ANTXR2: variants seen among roughly 807,000 people sequenced by gnomAD.
ANTXR2 encodes ANTXR cell adhesion molecule 2.
ANTXR2 carries 44 observed loss-of-function variants against 73.7 expected under a neutral mutation model. The observed-to-expected ratio is 0.60, with a 90% confidence interval of 0.47 to 0.77. The LOEUF (loss-of-function observed/expected upper bound fraction) is 0.77, where lower values mean the gene tolerates loss of function less well. Among genes scored for constraint, ANTXR2 ranks in the 30% least tolerant of loss-of-function variants. ANTXR2 has a pLI of 0.00. For synonymous variants in ANTXR2, 217 were observed against 205.9 expected, an observed-to-expected ratio of 1.05 and a Z score of -0.46; for missense variants, 604 against 592.5, an observed-to-expected ratio of 1.02 and a Z score of -0.20.
At chr4:79,918,415 C>G (rs919087517) in intron 16 of ANTXR2, among the ~76,000 whole-genome samples, 2 of 152,028 alleles carry the variant, frequency 1.3e-5, no homozygotes, top group African/African-American at 4.8e-5. Context: ...AGTTAAACTT[C>G]TGAAAACCAA....
chr4:80,018,853 T>G, intron 11 of ANTXR2, 45 bp downstream of exon 11: 1 of 1,339,480 alleles, frequency 7.5e-7, no homozygotes, highest in Non-Finnish European at 1.0e-6. Context: ...TATTTCTGGA[T>G]GGAATTGCTT....
intron 7 of ANTXR2, among the ~76,000 whole-genome samples, chr4:80,045,307 T>A (rs1484436050): frequency 6.6e-6 from 1 of 151,764 alleles, no homozygotes; most frequent in Admixed American, 6.6e-5. Flanking sequence ...GGCTTTTTCC[T>A]CCCCAAAATA....
intron 16 of ANTXR2, among the ~76,000 whole-genome samples, chr4:79,951,983 G>A (rs1312112476): frequency 6.6e-6 from 1 of 152,022 alleles, no homozygotes; most frequent in Non-Finnish European, 1.5e-5. Context: ...CAAACTTGTT[G>A]ATAACTATGT....
intron 12 of ANTXR2, among the ~76,000 whole-genome samples, chr4:79,995,987 C>G (rs941174061): frequency 6.6e-6 from 1 of 151,976 alleles, no homozygotes; most frequent in Admixed American, 6.6e-5. Context: ...TTGGTGCTGC[C>G]AGATGCCACA....
At chr4:80,032,457 T>G (rs1263478570) in intron 9 of ANTXR2, among the ~76,000 whole-genome samples, 2 of 151,850 alleles carry the variant, frequency 1.3e-5, no homozygotes, top group African/African-American at 4.8e-5. Flanking sequence ...GAAGAGAGTT[T>G]GTAAATTTTT....
chr4:80,019,136 A>G (rs1732030982), intron 10 of ANTXR2, among the ~76,000 whole-genome samples, 160 bp from the exon 11 acceptor site: 1 of 152,108 alleles, frequency 6.6e-6, no homozygotes, highest in East Asian at 1.9e-4. Flanking sequence ...CGGCCTCCCA[A>G]AGTCCTAGGA....
chr4:80,033,577 G>A lies in ANTXR2; in HGVS notation c.698-7C>T, dbSNP rs773419008. On this transcript the variant is annotated splice_polypyrimidine_tract_variant and splice_region_variant and intron_variant, in intron 8 of 16. Transcript: ENST00000403729. ...AAGACAATCTGAAATTCCTCTAGAA[G>A]TAAAAGGAAAAATAAACATTTAATC... 2.6e-5 allele frequency: 41 copies of A among 1,565,008 alleles called. No homozygotes were observed. The highest frequency in any genetic ancestry group is 3.2e-5 in the Non-Finnish European group (37 of 1,161,954).
intron 3 of ANTXR2, among the ~76,000 whole-genome samples, chr4:80,068,170 C>T (rs1228596317): frequency 6.6e-6 from 1 of 152,112 alleles, no homozygotes; most frequent in Non-Finnish European, 1.5e-5. Flanking sequence ...TAAATAAGTT[C>T]TCTCCCCCAG....
At chr4:79,924,289 T>C (rs911167967) in intron 16 of ANTXR2, among the ~76,000 whole-genome samples, 12 of 152,134 alleles carry the variant, frequency 7.9e-5, no homozygotes, top group Admixed American at 3.3e-4. Flanking sequence ...CATCAACAAG[T>C]AAAGATTTGG....
At chr4:80,067,040 C>T (rs565094908) in intron 3 of ANTXR2, among the ~76,000 whole-genome samples, 1 of 152,162 alleles carries the variant, frequency 6.6e-6, no homozygotes, top group Non-Finnish European at 1.5e-5. Flanking sequence ...CCCGTCTCTA[C>T]TAAAAAATAC....
intron 11 of ANTXR2, among the ~76,000 whole-genome samples, chr4:80,014,908 C>A (rs749961096): frequency 9.2e-5 from 14 of 152,184 alleles, no homozygotes; most frequent in Non-Finnish European, 1.9e-4. Context: ...ACCACCCTAG[C>A]TTTGAAAATT....
At chr4:79,925,066 A>G (rs1255194863) in intron 16 of ANTXR2, among the ~76,000 whole-genome samples, 5 of 152,130 alleles carry the variant, frequency 3.3e-5, no homozygotes, top group Non-Finnish European at 5.9e-5. Flanking sequence ...GTATCATTGT[A>G]TCTTTTCATC....
chr4:80,017,825 C>T (rs575994575), intron 11 of ANTXR2, among the ~76,000 whole-genome samples: 73 of 151,996 alleles, frequency 4.8e-4, no homozygotes, highest in African/African-American at 1.7e-3. Flanking sequence ...TTGCAACATG[C>T]GCTAGAAATG....
chr4:79,935,936 TA>T (rs940859480), intron 16 of ANTXR2, among the ~76,000 whole-genome samples: 2 of 152,184 alleles, frequency 1.3e-5, no homozygotes, highest in Non-Finnish European at 2.9e-5. Context: ...TAATGTACTC[TA>T]AGGAAATGAC....
At chr4:79,936,157 C>T (rs1728249104) in intron 16 of ANTXR2, among the ~76,000 whole-genome samples, 1 of 152,192 alleles carries the variant, frequency 6.6e-6, no homozygotes, top group Non-Finnish European at 1.5e-5. Flanking sequence ...ATTATTTTTA[C>T]TATCAGTACA....
At chr4:80,023,349 G>T (rs940746509) in intron 10 of ANTXR2, among the ~76,000 whole-genome samples, 1 of 151,858 alleles carries the variant, frequency 6.6e-6, no homozygotes, top group African/African-American at 2.4e-5. Context: ...ACTCCAAATT[G>T]GTTTAGGAAT....
intron 16 of ANTXR2, among the ~76,000 whole-genome samples, chr4:79,933,765 C>T (rs1172186082): frequency 1.6e-5 from 2 of 123,892 alleles, no homozygotes; most frequent in Non-Finnish European, 3.2e-5. Context: ...GACAGAGTCT[C>T]ACTCTGTCAC....
chr4:80,052,867 G>A (rs1023337159), intron 7 of ANTXR2, among the ~76,000 whole-genome samples: 7 of 151,564 alleles, frequency 4.6e-5, no homozygotes, highest in African/African-American at 1.7e-4. Flanking sequence ...GATGTCATCT[G>A]GAACTCAGCT....
At chr4:79,947,421 T>C (rs1728556231) in intron 16 of ANTXR2, among the ~76,000 whole-genome samples, 1 of 152,110 alleles carries the variant, frequency 6.6e-6, no homozygotes, top group African/African-American at 2.4e-5. Flanking sequence ...TTTTAAGTGC[T>C]ACAAAGATGA....
Sources: allele counts gnomAD v4.1 joint callset (sites outside exome capture counted in the v4.1 genomes callset), GRCh38; gene constraint gnomAD v4.1.1; transcripts MANE v1.5; gene names NCBI Gene and HGNC (gene_info 2026-07-23, HGNC 2026-07-21).